ZMYM2: variants seen among roughly 807,000 people sequenced by gnomAD.
ZMYM2 encodes zinc finger MYM-type protein 2.
ZMYM2 carries 56 observed loss-of-function variants against 162.8 expected under a neutral mutation model. The ratio of observed to expected loss-of-function variants is 0.34; its 90% confidence interval spans 0.28 to 0.43. The LOEUF (loss-of-function observed/expected upper bound fraction) is 0.43, where lower values mean the gene tolerates loss of function less well. Ranked by LOEUF, ZMYM2 falls within the 20% of genes least tolerant of loss-of-function variation. The pLI is 1.00. For missense variants in ZMYM2, 1,275 were observed against 1,621.8 expected (o/e 0.79, Z 3.67); for synonymous variants, 510 against 541.6 (o/e 0.94, Z 0.81).
intron 21 of ZMYM2, among the ~76,000 whole-genome samples, chr13:20,075,864 T>TC (rs1204663606): frequency 4.0e-5 from 6 of 151,010 alleles, no homozygotes; most frequent in Non-Finnish European, 5.9e-5. Flanking sequence ...GGGTTTTTTT[T>TC]CCCCCCCATC....
chr13:19,917,100 C>T, the ZMYM2 span, among the ~76,000 whole-genome samples: 8 of 152,062 alleles, frequency 5.3e-5, no homozygotes, highest in Admixed American at 1.3e-4. Context: ...GTAGCTGGGA[C>T]TACAGGCGCC....
At chr13:20,085,707 T>C in intron 24 of ZMYM2, 115 bp from the exon 25 acceptor site, 1 of 773,376 alleles carries the variant, frequency 1.3e-6, no homozygotes, top group African/African-American at 1.7e-5. Flanking sequence ...CAGTGGGGCA[T>C]AGGGGGTCTG....
At chr13:20,052,511 T>C (rs1052378849) in intron 14 of ZMYM2, among the ~76,000 whole-genome samples, 200 bp downstream of exon 14, 4 of 152,164 alleles carry the variant, frequency 2.6e-5, no homozygotes, top group African/African-American at 9.7e-5. Flanking sequence ...GAATTAATTA[T>C]AGCCTCTACT....
At chr13:19,939,783 C>G in the ZMYM2 span, among the ~76,000 whole-genome samples, 3 of 152,138 alleles carry the variant, frequency 2.0e-5, no homozygotes, top group East Asian at 5.8e-4. Context: ...TATAGTGCTT[C>G]CAATGTACCA....
At chr13:19,983,650 A>G (rs868829765) in intron 2 of ZMYM2, among the ~76,000 whole-genome samples, 3 of 151,858 alleles carry the variant, frequency 2.0e-5, no homozygotes, top group Middle Eastern at 6.8e-3. Flanking sequence ...CTTTTTTAAG[A>G]TAGAGTCTCG....
chr13:19,883,568 A>T, the ZMYM2 span, among the ~76,000 whole-genome samples: 1 of 152,180 alleles, frequency 6.6e-6, no homozygotes, highest in African/African-American at 2.4e-5. Flanking sequence ...GGGCATTCTT[A>T]ACAAATTCTA....
At chr13:19,968,831 G>GA (rs1956040594) in intron 2 of ZMYM2, among the ~76,000 whole-genome samples, 3 of 152,080 alleles carry the variant, frequency 2.0e-5, no homozygotes, top group Admixed American at 2.0e-4. Flanking sequence ...CTTTTAAAAA[G>GA]AAAAAATCAA....
chr13:20,006,659 A>G, intron 6 of ZMYM2, 73 bp downstream of exon 6: 1 of 1,427,656 alleles, frequency 7.0e-7, no homozygotes, highest in Admixed American at 2.0e-5. Context: ...TTTTACTCTA[A>G]CAGTGTTTAT....
At chr13:20,028,087 A>C (rs1952748459) in intron 9 of ZMYM2, 1 of 175,760 alleles carries the variant, frequency 5.7e-6, no homozygotes, top group South Asian at 2.0e-4. Flanking sequence ...ATGTTAATTT[A>C]TTTAAACTGC....
Position 20,014,219 on chromosome 13 carries a change from G to A in ZMYM2, c.1513-5328G>A, listed in dbSNP as rs1000355059. ...TTCCTGAGTAGCTGGGACTACAGGCGCCTGCCACCACGCCCAGCTAATTTT... is the reference window on the plus strand; with the variant it reads ...TTCCTGAGTAGCTGGGACTACAGGCACCTGCCACCACGCCCAGCTAATTTT... On this transcript the variant is annotated intron_variant, in intron 6 of 24. Transcript: ENST00000610343. Among the ~76,000 whole-genome samples, 8 of 151,996 alleles carry A rather than the reference G, an allele frequency of 5.3e-5. No individual in the cohort carries two copies. The East Asian group carries it at 7.7e-4, about 15-fold the overall frequency.
intron 2 of ZMYM2, among the ~76,000 whole-genome samples, chr13:19,981,828 A>AGAC (rs1356745447): frequency 8.2e-6 from 1 of 122,256 alleles, no homozygotes; most frequent in Non-Finnish European, 1.7e-5. Context: ...CTCAGCTGTC[A>AGAC]GGTAGTCCTT....
chr13:19,934,589 AT>A, the ZMYM2 span, among the ~76,000 whole-genome samples: 60 of 152,096 alleles, frequency 3.9e-4, no homozygotes, highest in South Asian at 2.1e-3. Context: ...ATTATCTATA[AT>A]TTTAGTTTGG....
chr13:20,058,523 G>A, intron 14 of ZMYM2, 52 bp from the exon 15 acceptor site: 1 of 1,578,586 alleles, frequency 6.3e-7, no homozygotes, highest in African/African-American at 1.4e-5. Context: ...ACACTAGGAA[G>A]TATTGAAAAT....
At chr13:19,885,986 T>TAC in the ZMYM2 span, among the ~76,000 whole-genome samples, 14 of 119,622 alleles carry the variant, frequency 1.2e-4, 4 homozygotes, top group East Asian at 5.6e-4. Context: ...TATATGTATA[T>TAC]ACACATATAT....
At chr13:19,918,240 T>C in the ZMYM2 span, among the ~76,000 whole-genome samples, 1 of 151,808 alleles carries the variant, frequency 6.6e-6, no homozygotes, top group Non-Finnish European at 1.5e-5. Flanking sequence ...AGGTCAGGAG[T>C]TCGAGACCAG....
At position 20,057,575 on chromosome 13, in the gene ZMYM2, AGT is replaced by A. The variant is rs751453796; in HGVS notation, c.2494-996_2494-995del. Among the ~76,000 whole-genome samples the A allele has an allele frequency of 3.7e-4, 56 of 152,302 alleles. 1 individual carries two copies. The highest frequency in any genetic ancestry group is 6.3e-4 in the Non-Finnish European group (43 of 68,018). On this transcript the variant is annotated intron_variant, in intron 14 of 24. Coordinates refer to ENST00000610343, the MANE Select transcript of ZMYM2 (RefSeq NM_197968.4). Reference sequence around the variant, plus strand: ...GTACAATATGTGTGGAGTACTGTACAGTGTGCATGTGCTGTGTGAGTGCTGTA... The same window carrying A: ...GTACAATATGTGTGGAGTACTGTACAGTGCATGTGCTGTGTGAGTGCTGTA...
chr13:19,999,224 A>G (rs965866763), intron 3 of ZMYM2, among the ~76,000 whole-genome samples: 1 of 152,168 alleles, frequency 6.6e-6, no homozygotes, highest in Non-Finnish European at 1.5e-5. Context: ...TACTTTGTTT[A>G]TTGCACTTCA....
At chr13:20,067,487 C>T in intron 21 of ZMYM2, 97 bp downstream of exon 21, 1 of 1,216,820 alleles carries the variant, frequency 8.2e-7, no homozygotes, top group Non-Finnish European at 1.1e-6. Flanking sequence ...ATTGACTTAC[C>T]AAGAAACACA....
chr13:19,922,164 C>T, the ZMYM2 span, among the ~76,000 whole-genome samples: 4 of 152,166 alleles, frequency 2.6e-5, no homozygotes, highest in South Asian at 6.2e-4. Flanking sequence ...ATCCGCCTGC[C>T]TCGGCCTCCC....
Sources: gnomAD v4.1 joint callset for allele counts (sites outside exome capture counted in the v4.1 genomes callset) on GRCh38, gnomAD v4.1.1 for gene constraint, MANE v1.5 for transcripts, NCBI Gene and HGNC (gene_info 2026-07-23, HGNC 2026-07-21) for gene names.